The following TBC1D14 variants were observed in gnomAD, a reference collection of about 807,000 sequenced individuals.
TBC1D14 encodes TBC1 domain family member 14, also known as TBC1 domain family, member 14.
TBC1D14 carries 26 observed loss-of-function variants against 79.0 expected under a neutral mutation model. That is an observed-to-expected ratio of 0.33 (90% CI 0.24 to 0.46). TBC1D14 has a LOEUF of 0.46. Among genes scored for constraint, TBC1D14 ranks in the 20% least tolerant of loss-of-function variants. The pLI, the probability that TBC1D14 is intolerant of heterozygous loss-of-function variation, is 1.00. For missense variants in TBC1D14, 769 were observed against 887.6 expected, an observed-to-expected ratio of 0.87 and a Z score of 1.70; for synonymous variants, 394 against 349.9, an observed-to-expected ratio of 1.13 and a Z score of -1.40.
At chr4:6,981,320 A>C (rs979366628) in intron 3 of TBC1D14, among the ~76,000 whole-genome samples, 1 of 152,180 alleles carries the variant, frequency 6.6e-6, no homozygotes, top group African/African-American at 2.4e-5. Flanking sequence ...GTACTGCACC[A>C]GCCACATAAA....
chr4:6,989,286 T>C (rs1718240758), intron 3 of TBC1D14, among the ~76,000 whole-genome samples: 1 of 152,094 alleles, frequency 6.6e-6, no homozygotes, highest in African/African-American at 2.4e-5. Flanking sequence ...CTCTCTCTCC[T>C]GGGGCTTGTC....
At chr4:7,006,809 T>A in intron 9 of TBC1D14, 83 bp downstream of exon 9, 2 of 1,379,876 alleles carry the variant, frequency 1.4e-6, no homozygotes, top group Non-Finnish European at 2.0e-6. Flanking sequence ...GTTGTCAAGT[T>A]TGAAAGGTAC....
chr4:6,951,353 A>G (rs1421158967), intron 2 of TBC1D14, among the ~76,000 whole-genome samples: 2 of 152,146 alleles, frequency 1.3e-5, no homozygotes, highest in Admixed American at 1.3e-4. Context: ...TGTATTCAAA[A>G]AAGTCCATTT....
chr4:7,014,582 T>G, intron 12 of TBC1D14, 25 bp downstream of exon 12: 1 of 1,481,682 alleles, frequency 6.7e-7, no homozygotes, highest in East Asian at 2.3e-5. Flanking sequence ...TCCCTGTGTT[T>G]TCAGAGCATT....
intron 2 of TBC1D14, among the ~76,000 whole-genome samples, chr4:6,942,149 A>G (rs1365103313): frequency 1.3e-5 from 2 of 152,178 alleles, no homozygotes; most frequent in East Asian, 3.8e-4. Context: ...AGTAATTAAA[A>G]CGGTTTCCTC....
intron 3 of TBC1D14, among the ~76,000 whole-genome samples, chr4:6,969,053 G>A (rs1216590333): frequency 3.3e-5 from 5 of 152,136 alleles, no homozygotes; most frequent in African/African-American, 9.7e-5. Context: ...TTCACGCGTC[G>A]GCAGGTTAAA....
chr4:7,026,572 C>G (rs1414297659), intron 13 of TBC1D14, among the ~76,000 whole-genome samples: 1 of 152,108 alleles, frequency 6.6e-6, no homozygotes, highest in Non-Finnish European at 1.5e-5. Flanking sequence ...CTTTTTAGCC[C>G]TCTCTTGCTT....
intron 2 of TBC1D14, among the ~76,000 whole-genome samples, chr4:6,963,047 T>A (rs1333136680): frequency 6.6e-6 from 1 of 152,170 alleles, no homozygotes; most frequent in Non-Finnish European, 1.5e-5. Context: ...GGAGAGGGTA[T>A]GGATCCATCA....
At position 6,923,704 on chromosome 4, in the gene TBC1D14, C is replaced by T. The variant is rs572204539; in HGVS notation, c.315C>T (p.Cys105=). The T allele has an allele frequency of 3.5e-5, 56 of 1,613,824 alleles. No individual in the cohort carries two copies. In the South Asian group the frequency reaches 3.7e-4, roughly 11 times the overall value. ...CCGAGCGGGCCTTCCAGAGCGCCTG[C>T]GCGCTGCCATCCTGTGCGCCACCAG... ...LIPERAFQSA[C]ALPSCAPPAP... is the part of the protein sequence containing the mutation. The change falls in exon 2 of 14, where the codon TGC becomes TGT. Residue 105 remains cysteine, a synonymous_variant. Transcript: ENST00000409757.
intron 2 of TBC1D14, among the ~76,000 whole-genome samples, chr4:6,965,814 G>C (rs566387071): frequency 6.6e-6 from 1 of 152,150 alleles, no homozygotes; most frequent in Non-Finnish European, 1.5e-5. Flanking sequence ...ACCACTCCTC[G>C]CTGGTGATGT....
intron 3 of TBC1D14, among the ~76,000 whole-genome samples, chr4:6,974,000 T>A (rs1168073408): frequency 6.6e-6 from 1 of 151,964 alleles, no homozygotes; most frequent in African/African-American, 2.4e-5. Flanking sequence ...ATTTTTATAT[T>A]TTTAGTAGAA....
intron 11 of TBC1D14, among the ~76,000 whole-genome samples, chr4:7,011,402 A>G (rs1325316955): frequency 6.6e-6 from 1 of 152,096 alleles, no homozygotes; most frequent in Non-Finnish European, 1.5e-5. Context: ...GTGAGGAGAT[A>G]AGGCTCAAAG....
chr4:6,998,519 G>A (rs1719306062), intron 5 of TBC1D14, among the ~76,000 whole-genome samples: 1 of 151,828 alleles, frequency 6.6e-6, no homozygotes, highest in Non-Finnish European at 1.5e-5. Context: ...TCTATTTTGT[G>A]GTAACAATTG....
At chr4:6,964,916 C>T (rs1387622718) in intron 2 of TBC1D14, among the ~76,000 whole-genome samples, 1 of 152,182 alleles carries the variant, frequency 6.6e-6, no homozygotes, top group East Asian at 1.9e-4. Flanking sequence ...GCATTTGGCT[C>T]CATTTGTTCT....
chr4:6,919,100 C>T (rs1415943640), intron 1 of TBC1D14, among the ~76,000 whole-genome samples: 1 of 151,738 alleles, frequency 6.6e-6, no homozygotes, highest in Non-Finnish European at 1.5e-5. Flanking sequence ...TGAGTTTTTG[C>T]TCTATAGGTT....
At chr4:6,954,103 A>C in intron 2 of TBC1D14, 3 of 579,538 alleles carry the variant, frequency 5.2e-6, no homozygotes, top group Non-Finnish European at 9.3e-6. Context: ...GTGACTGGGG[A>C]GGCCCGCCCT....
chr4:6,925,355 C>T (rs1402054918), intron 2 of TBC1D14, among the ~76,000 whole-genome samples: 1 of 152,170 alleles, frequency 6.6e-6, no homozygotes, highest in Non-Finnish European at 1.5e-5. Context: ...CAGGTGGGAA[C>T]ATTTCTGCAG....
At chr4:6,937,546 T>C (rs1485369125) in intron 2 of TBC1D14, among the ~76,000 whole-genome samples, 1 of 152,058 alleles carries the variant, frequency 6.6e-6, no homozygotes, top group African/African-American at 2.4e-5. Flanking sequence ...GTGAAAGCCA[T>C]CAAGGCGTGT....
intron 1 of TBC1D14, among the ~76,000 whole-genome samples, chr4:6,917,367 G>A (rs375050731): frequency 6.6e-6 from 1 of 152,344 alleles, no homozygotes; most frequent in East Asian, 1.9e-4. Flanking sequence ...CAGGAGAACA[G>A]TTGTAAAATA....
Sources: allele counts gnomAD v4.1 joint callset (sites outside exome capture counted in the v4.1 genomes callset), GRCh38; gene constraint gnomAD v4.1.1; transcripts MANE v1.5; gene names NCBI Gene and HGNC (gene_info 2026-07-23, HGNC 2026-07-21).